The following ZNF385D variants were observed in gnomAD, a reference collection of about 807,000 sequenced individuals.
The protein encoded by ZNF385D is zinc finger protein 659.
In ZNF385D, 15 loss-of-function variants were observed where a neutral mutation model predicts 35.8. The observed-to-expected ratio is 0.42, with a 90% CI of 0.28 to 0.64. ZNF385D has a LOEUF of 0.64. ZNF385D is among the 30% of genes least tolerant of loss of function. The pLI is 0.23. For synonymous variants in ZNF385D, 212 were observed against 186.8 expected (o/e 1.13, Z -1.10); for missense variants, 474 against 494.6 (o/e 0.96, Z 0.39).
intron 3 of ZNF385D, among the ~76,000 whole-genome samples, chr3:22,030,292 TATA>T (rs1697902255): frequency 9.7e-6 from 1 of 103,570 alleles, no homozygotes; most frequent in African/African-American, 4.1e-5. Context: ...TATATATATA[TATA>T]TATATATCCT....
intron 2 of ZNF385D, among the ~76,000 whole-genome samples, chr3:21,660,018 A>T (rs1337249625): frequency 6.6e-6 from 1 of 152,112 alleles, no homozygotes; most frequent in Non-Finnish European, 1.5e-5. Flanking sequence ...CTTGTTGATC[A>T]AAACCCAACC....
intron 3 of ZNF385D, among the ~76,000 whole-genome samples, chr3:22,002,786 T>C (rs1463422364): frequency 6.6e-6 from 1 of 152,102 alleles, no homozygotes; most frequent in African/African-American, 2.4e-5. Flanking sequence ...TTGTTCAACA[T>C]ACACAAATAA....
chr3:22,249,840 G>A (rs1699977283), intron 2 of ZNF385D, among the ~76,000 whole-genome samples: 1 of 152,140 alleles, frequency 6.6e-6, no homozygotes, highest in Admixed American at 6.6e-5. Flanking sequence ...CCTGAAACAA[G>A]AGATGGATGT....
In ZNF385D at chr3:22,162,678, T is replaced by C. The variant is rs57114890; in HGVS notation, c.325+6139A>G. On this transcript the variant is annotated intron_variant, in intron 3 of 5. Coordinates refer to the ZNF385D transcript ENST00000494108. ...TTCTTTCTATAACCTCAGGATAAGG[T>C]ATAAACTTCAACCATTTGGCCTCTC... Among the ~76,000 whole-genome samples, 1,517 of 152,264 alleles carry C rather than the reference T, an allele frequency of 1.0e-2. 23 individuals carry two copies. Among genetic ancestry groups the C allele is most frequent in the African/African-American group, 0.034 (1,398 of 41,544 alleles).
intron 3 of ZNF385D, among the ~76,000 whole-genome samples, chr3:22,110,549 A>G (rs577381940): frequency 1.3e-5 from 2 of 151,996 alleles, no homozygotes; most frequent in Non-Finnish European, 2.9e-5. Flanking sequence ...CAAAAAACCA[A>G]ACACCGCATG....
At chr3:21,777,799 A>G (rs2071345575) in intron 3 of ZNF385D, 1 of 151,922 alleles carries the variant, frequency 6.6e-6, no homozygotes, top group African/African-American at 2.4e-5. Context: ...ATTTTAGCCT[A>G]GCTTTCTTAT....
chr3:21,767,688 G>A (rs1483072433), intron 3 of ZNF385D, among the ~76,000 whole-genome samples: 2 of 151,940 alleles, frequency 1.3e-5, no homozygotes, highest in Non-Finnish European at 2.9e-5. Flanking sequence ...TGGGGGGTGG[G>A]AGAGGAAGAG....
chr3:22,279,149 G>A (rs1288171319), intron 2 of ZNF385D, among the ~76,000 whole-genome samples: 1 of 152,004 alleles, frequency 6.6e-6, no homozygotes, highest in Admixed American at 6.6e-5. Flanking sequence ...AACAGGTGAT[G>A]TTTGGTTACA....
chr3:21,895,740 A>T (rs1699102734), intron 3 of ZNF385D, among the ~76,000 whole-genome samples: 1 of 152,070 alleles, frequency 6.6e-6, no homozygotes, highest in South Asian at 2.1e-4. Flanking sequence ...AACCAAGTTT[A>T]GGGGATTCAA....
At chr3:22,019,535 A>T (rs1366960214) in intron 3 of ZNF385D, among the ~76,000 whole-genome samples, 1 of 152,006 alleles carries the variant, frequency 6.6e-6, no homozygotes, top group African/African-American at 2.4e-5. Context: ...GAAAAATATA[A>T]GCACATATAT....
Position 21,641,998 on chromosome 3 carries a change from T to C in ZNF385D, c.165+22888A>G, listed in dbSNP as rs141142707. Among the ~76,000 whole-genome samples, 4 of 152,220 alleles carry C rather than the reference T, an allele frequency of 2.6e-5. No homozygotes were observed. In the East Asian group the frequency reaches 7.8e-4, roughly 30 times the overall value. On this transcript the variant is annotated intron_variant, in intron 2 of 7. Coordinates refer to ENST00000281523, the MANE Select transcript of ZNF385D (RefSeq NM_024697.3). Reference sequence around the variant, plus strand: ...CATTGAGGCTCCTTCTTCCCTTTTCTTTGTCACCACGTGTACAGTAAAGAA... The same window carrying C: ...CATTGAGGCTCCTTCTTCCCTTTTCCTTGTCACCACGTGTACAGTAAAGAA...
rs1223504579 is a variant in ZNF385D, at chr3:22,244,196, T to C, written c.107-75161A>G. On this transcript the variant is annotated intron_variant, in intron 2 of 5. Coordinates refer to the ZNF385D transcript ENST00000494108. ...TTTAAAAAAAGCCATTATTAAACTT[T>C]TTCTCTAGGGTTTGCAATACCTGCA... Among the ~76,000 whole-genome samples the C allele has an allele frequency of 4.7e-5, 7 of 150,280 alleles. 1 individual carries two copies. The highest frequency in any genetic ancestry group is 1.5e-4 in the African/African-American group (6 of 40,634).
At chr3:21,569,534 T>G (rs1025725046) in intron 2 of ZNF385D, among the ~76,000 whole-genome samples, 2 of 151,104 alleles carry the variant, frequency 1.3e-5, no homozygotes, top group Non-Finnish European at 2.9e-5. Context: ...AGTCTGTGTC[T>G]TTTAATTGGA....
intron 1 of ZNF385D, among the ~76,000 whole-genome samples, chr3:21,724,547 A>T (rs1362637010): frequency 6.6e-6 from 1 of 150,668 alleles, no homozygotes; most frequent in Admixed American, 6.6e-5. Flanking sequence ...ATGTCTGATC[A>T]AACAGACTTT....
At chr3:21,677,585 C>G (rs2066768525) in intron 1 of ZNF385D, among the ~76,000 whole-genome samples, 1 of 151,890 alleles carries the variant, frequency 6.6e-6, no homozygotes, top group Non-Finnish European at 1.5e-5. Context: ...AAATAAATTT[C>G]TAAGAGAGAA....
At chr3:22,319,879 A>C (rs960754657) in intron 2 of ZNF385D, among the ~76,000 whole-genome samples, 3 of 152,076 alleles carry the variant, frequency 2.0e-5, no homozygotes, top group African/African-American at 7.2e-5. Context: ...TATTTTAGTT[A>C]TGCATTTTCC....
At chr3:21,582,988 A>G (rs1413952438) in intron 2 of ZNF385D, among the ~76,000 whole-genome samples, 1 of 152,070 alleles carries the variant, frequency 6.6e-6, no homozygotes, top group Non-Finnish European at 1.5e-5. Context: ...GGCTGGTCTC[A>G]AACTCCTTAC....
intron 1 of ZNF385D, among the ~76,000 whole-genome samples, chr3:21,709,485 G>GAAAACAAAACAAAACAAAACAAAAC (rs71044936): frequency 6.7e-6 from 1 of 150,082 alleles, no homozygotes; most frequent in Non-Finnish European, 1.5e-5. Flanking sequence ...AGGCTTCTAT[G>GAAAACAAAACAAAACAAAACAAAAC]AAAACAAAAC....
intron 3 of ZNF385D, among the ~76,000 whole-genome samples, chr3:21,801,019 C>T (rs137987669): frequency 1.0e-3 from 152 of 152,128 alleles, no homozygotes; most frequent in African/African-American, 3.4e-3. Context: ...GAAAAAGTCT[C>T]CTTTTATTCT....
Sources: allele counts gnomAD v4.1 joint callset (sites outside exome capture counted in the v4.1 genomes callset), GRCh38; gene constraint gnomAD v4.1.1; transcripts MANE v1.5; gene names NCBI Gene and HGNC (gene_info 2026-07-23, HGNC 2026-07-21).